The following ST6GALNAC4 variants were observed in gnomAD, a reference collection of about 807,000 sequenced individuals.
ST6GALNAC4 encodes ST6 N-acetylgalactosaminide alpha-2,6-sialyltransferase 4, also known as alpha-N-acetyl-neuraminyl-2,3-beta-galactosyl-1,3-N-acetyl-galactosaminide alpha-2,6-sialyltransferase.
ST6GALNAC4 carries 24 observed loss-of-function variants against 30.4 expected under a neutral mutation model. The ratio of observed to expected loss-of-function variants is 0.79; its 90% CI spans 0.57 to 1.11. The LOEUF (loss-of-function observed/expected upper bound fraction) is 1.11, where lower values mean the gene tolerates loss of function less well. ST6GALNAC4 is among the 50% of genes most tolerant of loss of function. The probability of loss-of-function intolerance (pLI) is 0.00; values close to 1 mark genes in which losing one functional copy is unlikely to be tolerated. For synonymous variants in ST6GALNAC4, 156 were observed against 179.7 expected, an observed-to-expected ratio of 0.87 and a Z score of 1.05; for missense variants, 365 against 430.1, an observed-to-expected ratio of 0.85 and a Z score of 1.34.
In ST6GALNAC4 at chr9:127,910,075, G is replaced by C; in HGVS notation, c.612-17C>G. The C allele has an allele frequency of 6.2e-7, 1 of 1,611,644 alleles. No homozygotes were observed. Among genetic ancestry groups the C allele is most frequent in the Non-Finnish European group, 8.5e-7 (1 of 1,179,202 alleles). Reference sequence around the variant, plus strand: ...GACTGCCTCCTGGGGGTGGCGGGGGGACAGGGGGACGCTGTCAACAAGAGG... The same window carrying C: ...GACTGCCTCCTGGGGGTGGCGGGGGCACAGGGGGACGCTGTCAACAAGAGG... On this transcript the variant is annotated splice_polypyrimidine_tract_variant and intron_variant, in intron 4 of 5. Transcript: ENST00000335791.
intron 4 of ST6GALNAC4, 46 bp from the exon 5 acceptor site, chr9:127,910,104 T>C: frequency 1.2e-6 from 2 of 1,600,206 alleles, no homozygotes; most frequent in Non-Finnish European, 1.7e-6. Flanking sequence ...CAAGAGGCCA[T>C]GTGGTAGCTC....
chr9:127,916,911 T>C lies in ST6GALNAC4; in HGVS notation c.-161A>G, dbSNP rs1048346478. ...CCCTTCCAGATTCCACTGCCGCATC[T>C]CCCGGCCGAATGCTAACCGGGCGTG... On this transcript the variant is annotated 5_prime_UTR_variant, in exon 1 of 6. Transcript: ENST00000335791. The C allele has an allele frequency of 1.8e-5, 3 of 168,936 alleles. No individual in the cohort carries two copies. The highest frequency in any genetic ancestry group is 3.9e-5 in the Non-Finnish European group (3 of 76,980). The allele number at this position is 168,936 out of a possible 1,614,324, so 10.5% of individuals were successfully genotyped here. A position where few individuals can be genotyped will look rare whatever the true frequency, so the allele number is the denominator to read the frequency against.
Position 127,912,369 on chromosome 9 carries a change from C to T in ST6GALNAC4, c.510G>A (p.Leu170=), listed in dbSNP as rs750575601. ...GGCCGGGGTACATCCTGGTGAGCTG[C>T]AGCAGCGTGCGGTAGGTGCGGCCGC... The part of the protein sequence containing the change: ...VLGGRTYRTL[L]QLTRMYPGLQ... Residue 170 remains leucine, a synonymous_variant, in exon 4 of 6, where the codon CTG becomes CTA. Transcript: ENST00000335791. The T allele has an allele frequency of 3.1e-6, 5 of 1,614,020 alleles. No homozygotes were observed. The highest frequency in any genetic ancestry group is 2.7e-5 in the African/African-American group (2 of 74,948).
intron 1 of ST6GALNAC4, 100 bp downstream of exon 1, chr9:127,916,726 G>A: frequency 1.9e-6 from 1 of 525,812 alleles, no homozygotes; most frequent in Non-Finnish European, 3.4e-6. Context: ...GCGCAGATGG[G>A]GAGGAAGAGG....
intron 3 of ST6GALNAC4, among the ~76,000 whole-genome samples, 164 bp downstream of exon 3, chr9:127,914,490 CAA>C (rs60857050): frequency 2.0e-5 from 1 of 50,136 alleles, no homozygotes; most frequent in South Asian, 1.3e-3. Flanking sequence ...GACTCCGTCT[CAA>C]AAAAAAAAAA....
In ST6GALNAC4 at chr9:127,916,489, G is replaced by A. The variant is rs1341077986; in HGVS notation, c.-70C>T. The stretch of plus-strand genomic sequence containing the variant: ...CTGGGGCTGGGAAGGGGTGGGAGCC[G>A]GGCACCTGCCAAGACCCAGAAACTC... On this transcript the variant is annotated 5_prime_UTR_variant, in exon 2 of 6. Coordinates refer to ENST00000335791, the MANE Select transcript of ST6GALNAC4 (RefSeq NM_175039.4). 3 of 1,595,920 alleles carry A rather than the reference G, an allele frequency of 1.9e-6. No individual in the cohort carries two copies. The highest frequency in any genetic ancestry group is 1.3e-5 in the African/African-American group (1 of 74,688).
chr9:127,908,618 C>T, intron 5 of ST6GALNAC4, 37 bp from the exon 6 acceptor site: 2 of 1,507,606 alleles, frequency 1.3e-6, no homozygotes, highest in Non-Finnish European at 1.8e-6. Flanking sequence ...TGGGACAGAA[C>T]CCACTCGCCT....
chr9:127,912,820 T>G, intron 3 of ST6GALNAC4, 140 bp from the exon 4 acceptor site: 1 of 1,051,816 alleles, frequency 9.5e-7, no homozygotes, highest in Non-Finnish European at 1.3e-6. Context: ...TTTTGCAGGC[T>G]GGGCAGCAGG....
chr9:127,911,216 G>A (rs1037214324), intron 4 of ST6GALNAC4, among the ~76,000 whole-genome samples: 13 of 152,156 alleles, frequency 8.5e-5, no homozygotes, highest in African/African-American at 2.2e-4. Context: ...TGGTGGGGGC[G>A]GGAAGCCTAA....
At chr9:127,913,242 T>TCAC (rs1432964386) in intron 3 of ST6GALNAC4, among the ~76,000 whole-genome samples, 1 of 152,240 alleles carries the variant, frequency 6.6e-6, no homozygotes, top group African/African-American at 2.4e-5. Context: ...TGAAGCCAAG[T>TCAC]CACCGGCCTC....
chr9:127,910,411 G>A, intron 4 of ST6GALNAC4: 1 of 1,064,706 alleles, frequency 9.4e-7, no homozygotes. Context: ...AGGCAGCAGG[G>A]CACCGTGGTT....
intron 5 of ST6GALNAC4, among the ~76,000 whole-genome samples, 176 bp downstream of exon 5, chr9:127,909,773 CTG>C (rs1831031824): frequency 6.6e-6 from 1 of 152,166 alleles, no homozygotes; most frequent in Non-Finnish European, 1.5e-5. Context: ...GTAAGGCAGC[CTG>C]TTTGACACTG....
At chr9:127,916,174 C>G in intron 2 of ST6GALNAC4, 1 of 598,162 alleles carries the variant, frequency 1.7e-6, no homozygotes, top group Non-Finnish European at 3.0e-6. Flanking sequence ...GAGCTCGTAG[C>G]GTTACCTCCG....
chr9:127,911,912 C>T (rs1410782626), intron 4 of ST6GALNAC4, among the ~76,000 whole-genome samples: 1 of 152,230 alleles, frequency 6.6e-6, no homozygotes, highest in Non-Finnish European at 1.5e-5. Flanking sequence ...CGTGAGCCAC[C>T]GCACCCGGCC....
In ST6GALNAC4 at chr9:127,914,770, G is replaced by C; in HGVS notation, c.84C>G (p.Ala28=). The C allele has an allele frequency of 6.2e-7, 1 of 1,604,796 alleles. No homozygotes were observed. Among genetic ancestry groups the C allele is most frequent in the South Asian group, 1.1e-5 (1 of 89,932 alleles). The stretch of plus-strand genomic sequence containing the variant: ...AGGTGGCCAGGCAGAGGGGCAGGCC[G>C]GCCCAGCAGCACAGGAGGATGTAGA... ...SAVYILLCCW[A]GLPLCLATCL... Residue 28 remains alanine, a synonymous_variant, in exon 3 of 6, where the codon GCC becomes GCG. Coordinates refer to ENST00000335791, the MANE Select transcript of ST6GALNAC4 (RefSeq NM_175039.4).
At chr9:127,909,245 T>C (rs778618362) in intron 5 of ST6GALNAC4, among the ~76,000 whole-genome samples, 79 of 151,818 alleles carry the variant, frequency 5.2e-4, no homozygotes, top group Non-Finnish European at 9.9e-4. Context: ...AAAAATTAGC[T>C]GGGCGTGGTG....
intron 3 of ST6GALNAC4, among the ~76,000 whole-genome samples, chr9:127,914,006 G>C (rs974876673): frequency 2.6e-5 from 4 of 152,174 alleles, no homozygotes; most frequent in Non-Finnish European, 4.4e-5. Flanking sequence ...CTTGAATCCG[G>C]CAGGTGGAGG....
At chr9:127,910,326 C>T (rs1831048983) in intron 4 of ST6GALNAC4, 1 of 1,230,736 alleles carries the variant, frequency 8.1e-7, no homozygotes, top group African/African-American at 1.6e-5. Flanking sequence ...TTGAGCAAAC[C>T]CCTGGATGAT....
intron 3 of ST6GALNAC4, among the ~76,000 whole-genome samples, chr9:127,913,740 C>A (rs1299064541): frequency 6.6e-6 from 1 of 152,188 alleles, no homozygotes; most frequent in Non-Finnish European, 1.5e-5. Context: ...ACCTGCCTAG[C>A]CAATATGGTG....
Sources: allele counts gnomAD v4.1 joint callset (sites outside exome capture counted in the v4.1 genomes callset), GRCh38; gene constraint gnomAD v4.1.1; transcripts MANE v1.5; gene names NCBI Gene and HGNC (gene_info 2026-07-23, HGNC 2026-07-21).